Variants in TXK observed in about 807,000 individuals in gnomAD.
TXK encodes tyrosine-protein kinase TXK.
In TXK, 60 loss-of-function variants were observed where a neutral mutation model predicts 81.0. That is an observed-to-expected ratio of 0.74 (90% CI 0.60 to 0.92). The LOEUF (loss-of-function observed/expected upper bound fraction) is 0.92. Ranked by LOEUF, TXK falls within the 40% of genes least tolerant of loss-of-function variation. The pLI, the probability that TXK is intolerant of heterozygous loss-of-function variation, is 0.00. For missense variants in TXK, 581 were observed against 638.3 expected (o/e 0.91, Z 0.97); for synonymous variants, 203 against 210.7 (o/e 0.96, Z 0.32).
intron 12 of TXK, among the ~76,000 whole-genome samples, chr4:48,076,133 A>G (rs1717060174): frequency 6.6e-6 from 1 of 152,200 alleles, no homozygotes; most frequent in Non-Finnish European, 1.5e-5. Flanking sequence ...TTCTCAGTGT[A>G]TCAAGAAATT....
intron 1 of TXK, among the ~76,000 whole-genome samples, chr4:48,123,153 C>CT (rs1719000425): frequency 6.6e-6 from 1 of 152,248 alleles, no homozygotes; most frequent in East Asian, 1.9e-4. Flanking sequence ...TTATTTTCTA[C>CT]TTTTTTCTGT....
chr4:48,076,609 T>C (rs1577649075), intron 11 of TXK, 143 bp from the exon 12 acceptor site: 1 of 652,572 alleles, frequency 1.5e-6, no homozygotes, highest in Non-Finnish European at 2.7e-6. Context: ...TATCCATCAA[T>C]GGTATAGATT....
Position 48,071,586 on chromosome 4 carries a change from G to A in TXK, c.1446C>T (p.Gly482=). 1.9e-6 allele frequency: 3 copies of A among 1,614,182 alleles called. No individual in the cohort carries two copies. Among genetic ancestry groups the A allele is most frequent in the South Asian group, 1.1e-5 (1 of 91,086 alleles). ...CCAGGTGAGGGCGATATAGCCTGAA[G>A]CCTTCAGAAATAGCTTCCACGACTT... ...NLQVVEAISE[G]FRLYRPHLAP... is the part of the protein sequence containing the mutation. The change falls in exon 14 of 15, where the codon GGC becomes GGT. Residue 482 remains glycine, a synonymous_variant. Transcript: ENST00000264316.
At chr4:48,118,765 A>G (rs1299117716) in intron 1 of TXK, among the ~76,000 whole-genome samples, 1 of 152,170 alleles carries the variant, frequency 6.6e-6, no homozygotes, top group East Asian at 1.9e-4. Context: ...TTAATTGATA[A>G]CTGAGTTATT....
chr4:48,095,252 C>T (rs1328721188), intron 6 of TXK, 30 bp from the exon 7 acceptor site: 2 of 1,562,984 alleles, frequency 1.3e-6, no homozygotes, highest in Non-Finnish European at 1.8e-6. Context: ...TTGAATAAGT[C>T]TATTCCTTCT....
chr4:48,103,962 G>C (rs1718299695), intron 6 of TXK, among the ~76,000 whole-genome samples: 2 of 151,428 alleles, frequency 1.3e-5, no homozygotes, highest in South Asian at 4.2e-4. Flanking sequence ...CAGCACTTTG[G>C]GAGGCCAAGC....
At chr4:48,133,891 A>ATT (rs1719308096) in intron 1 of TXK, among the ~76,000 whole-genome samples, 1 of 152,054 alleles carries the variant, frequency 6.6e-6, no homozygotes, top group Non-Finnish European at 1.5e-5. Flanking sequence ...TACTGATTGC[A>ATT]TTTCTACACA....
At chr4:48,075,132 T>A (rs1451719859) in intron 12 of TXK, among the ~76,000 whole-genome samples, 2 of 151,986 alleles carry the variant, frequency 1.3e-5, no homozygotes, top group Non-Finnish European at 2.9e-5. Flanking sequence ...CATTAGTAGA[T>A]CAGTGGGTTA....
At chr4:48,106,244 A>C (rs1356990668) in intron 5 of TXK, 1 of 152,238 alleles carries the variant, frequency 6.6e-6, no homozygotes, top group East Asian at 1.9e-4. Flanking sequence ...GCCAGATAGA[A>C]GTATGTGACA....
intron 12 of TXK, among the ~76,000 whole-genome samples, chr4:48,075,028 ATC>A (rs1282386096): frequency 3.9e-5 from 6 of 151,952 alleles, no homozygotes; most frequent in Non-Finnish European, 8.8e-5. Context: ...TACCACCACT[ATC>A]TAGAAAAAGA....
intron 6 of TXK, among the ~76,000 whole-genome samples, chr4:48,095,685 G>A (rs569092244): frequency 6.6e-6 from 1 of 152,256 alleles, no homozygotes; most frequent in East Asian, 1.9e-4. Context: ...GAGTTCATGG[G>A]AAGTAGAAAG....
chr4:48,114,446 C>G, intron 1 of TXK, 44 bp from the exon 2 acceptor site: 2 of 1,591,802 alleles, frequency 1.3e-6, no homozygotes, highest in Middle Eastern at 1.7e-4. Flanking sequence ...GCCATGAGTA[C>G]GTGATATTGA....
chr4:48,125,165 A>G (rs1215925923), intron 1 of TXK, among the ~76,000 whole-genome samples: 2 of 152,252 alleles, frequency 1.3e-5, no homozygotes. Flanking sequence ...ATCCAGTCAC[A>G]TAAAAAGCAG....
Position 48,076,461 on chromosome 4 carries a change from T to C in TXK, c.1179A>G (p.Ala393=), listed in dbSNP as rs1200357757. Residue 393 remains alanine (A), a synonymous_variant, in exon 12 of 15, where the codon GCA becomes GCG. Coordinates refer to ENST00000264316, the MANE Select transcript of TXK (RefSeq NM_003328.3). ...ATGTTGAACTGACCAAACAATTCCT[T>C]GCCGCCTATGGAAAGAAGAAAAGAA... The part of the protein sequence containing the change: ...RNGYIHRDLA[A]RNCLVSSTCI... 9.9e-6 allele frequency: 16 copies of C among 1,610,120 alleles called. No homozygotes were observed. Among genetic ancestry groups the C allele is most frequent in the African/African-American group, 4.0e-5 (3 of 74,690 alleles).
intron 14 of TXK, among the ~76,000 whole-genome samples, chr4:48,070,398 A>C (rs1716789063): frequency 6.6e-6 from 1 of 152,204 alleles, no homozygotes; most frequent in Admixed American, 6.5e-5. Context: ...AATCTGTAGC[A>C]GGAGTCCTGA....
At chr4:48,073,864 C>A in intron 13 of TXK, 71 bp downstream of exon 13, 1 of 1,041,162 alleles carries the variant, frequency 9.6e-7, no homozygotes, top group South Asian at 1.6e-5. Flanking sequence ...ATTAGGAAAT[C>A]AAAGTTAAAA....
chr4:48,112,022 G>T (rs939845450), intron 4 of TXK, among the ~76,000 whole-genome samples: 2 of 152,210 alleles, frequency 1.3e-5, no homozygotes, highest in African/African-American at 4.8e-5. Context: ...TACATTGTCA[G>T]AATTATTATT....
At chr4:48,119,205 A>G (rs994947745) in intron 1 of TXK, among the ~76,000 whole-genome samples, 2 of 152,242 alleles carry the variant, frequency 1.3e-5, no homozygotes, top group African/African-American at 4.8e-5. Context: ...GATAAAGTTT[A>G]GGATGGAGAG....
intron 1 of TXK, among the ~76,000 whole-genome samples, chr4:48,122,949 A>C (rs1359705513): frequency 6.6e-6 from 1 of 152,234 alleles, no homozygotes; most frequent in Admixed American, 6.5e-5. Context: ...TAGATACTAG[A>C]GAACAACTTG....
Sources: gnomAD v4.1 joint callset for allele counts (sites outside exome capture counted in the v4.1 genomes callset) on GRCh38, gnomAD v4.1.1 for gene constraint, MANE v1.5 for transcripts, NCBI Gene and HGNC (gene_info 2026-07-23, HGNC 2026-07-21) for gene names.